ZYG11A: variants seen among roughly 807,000 people sequenced by gnomAD.
ZYG11A encodes protein zyg-11 homolog A.
ZYG11A carries 62 observed loss-of-function variants against 77.2 expected under a neutral mutation model. That is an observed-to-expected ratio of 0.80 (90% CI 0.65 to 0.99). The LOEUF (loss-of-function observed/expected upper bound fraction) is 0.99, where lower values mean the gene tolerates loss of function less well. ZYG11A is among the 50% of genes least tolerant of loss of function. The probability of loss-of-function intolerance (pLI) is 0.00; values close to 1 mark genes in which losing one functional copy is unlikely to be tolerated. For synonymous variants in ZYG11A, 315 were observed against 324.6 expected, an observed-to-expected ratio of 0.97 and a Z score of 0.32; for missense variants, 828 against 896.8, an observed-to-expected ratio of 0.92 and a Z score of 0.98.
intron 4 of ZYG11A, among the ~76,000 whole-genome samples, chr1:52,862,722 C>G (rs575138): frequency 0.58 from 88,755 of 152,062 alleles, 27,000 homozygotes; most frequent in African/African-American, 0.67. Flanking sequence ...TAAAAATTCT[C>G]GACCTTTTTT....
In ZYG11A at chr1:52,867,780, A is replaced by G. The variant is rs1646054106; in HGVS notation, c.1542+3A>G. 4 of 1,551,170 alleles carry G rather than the reference A, an allele frequency of 2.6e-6. No individual in the cohort carries two copies. The highest frequency in any genetic ancestry group is 2.0e-5 in the Admixed American group (1 of 50,954). ...AAGAGCTTTTCATGGCAGTTAAGGT[A>G]GGTTCCTTGTCATGTTCATAACCTT... On this transcript the variant is annotated splice_donor_region_variant and intron_variant, in intron 8 of 13. Coordinates refer to ENST00000371528, the MANE Select transcript of ZYG11A (RefSeq NM_001004339.3).
chr1:52,869,448 T>TAAC (rs1456234959), intron 8 of ZYG11A, among the ~76,000 whole-genome samples: 2 of 150,954 alleles, frequency 1.3e-5, no homozygotes, highest in Non-Finnish European at 2.9e-5. Context: ...TGATGACTCT[T>TAAC]AACGAGCCTG....
rs1042236126 is a variant in ZYG11A, at chr1:52,860,781, C to T, written c.1059C>T (p.Tyr353=). ...MSQISEALSR[Y]RNRSCFVKEA... ...AGATTTCAGAAGCACTGAGCCGATACAGGAACAGATCATGTTTTGTGAAGG... is the reference window on the plus strand; with the variant it reads ...AGATTTCAGAAGCACTGAGCCGATATAGGAACAGATCATGTTTTGTGAAGG... Residue 353 remains tyrosine, a synonymous_variant, in exon 4 of 14, where the codon TAC becomes TAT. Coordinates refer to ENST00000371528, the MANE Select transcript of ZYG11A (RefSeq NM_001004339.3). 1.1e-5 allele frequency: 17 copies of T among 1,551,656 alleles called. No individual in the cohort carries two copies. Among genetic ancestry groups the T allele is most frequent in the Non-Finnish European group, 1.4e-5 (16 of 1,146,968 alleles).
chr1:52,843,554 T>C (rs1198560157), intron 1 of ZYG11A, among the ~76,000 whole-genome samples: 1 of 151,884 alleles, frequency 6.6e-6, no homozygotes, highest in East Asian at 1.9e-4. Context: ...GTTCCGCGCG[T>C]CCGCCCCCGT....
At chr1:52,872,330 C>G (rs1380863801) in intron 8 of ZYG11A, among the ~76,000 whole-genome samples, 6 of 152,056 alleles carry the variant, frequency 3.9e-5, no homozygotes, top group Non-Finnish European at 8.8e-5. Context: ...TCTCGAACTC[C>G]TGACCTCAGG....
At chr1:52,842,997 G>A in intron 1 of ZYG11A, 24 bp downstream of exon 1, 2 of 1,495,642 alleles carry the variant, frequency 1.3e-6, no homozygotes, top group African/African-American at 1.5e-5. Flanking sequence ...TGCGGGCGGC[G>A]ACGCGGACCT....
At chr1:52,867,872 T>C in intron 8 of ZYG11A, 95 bp downstream of exon 8, 1 of 1,038,472 alleles carries the variant, frequency 9.6e-7, no homozygotes, top group Non-Finnish European at 1.4e-6. Flanking sequence ...AAAAGGCCTA[T>C]TAAGGTGAGA....
Position 52,881,572 on chromosome 1 carries a change from C to G in ZYG11A, c.1851C>G (p.Ser617Arg), listed in dbSNP as rs1033424513. 1.2e-5 allele frequency: 18 copies of G among 1,552,054 alleles called. No homozygotes were observed. Among genetic ancestry groups the G allele is most frequent in the Non-Finnish European group, 1.5e-5 (17 of 1,147,086 alleles). The change falls in exon 11 of 14, where the codon AGC (serine) becomes AGG (arginine). Residue 617 changes from serine to arginine, a missense_variant. Transcript: ENST00000371528. ...TCTGTAGCAGGGAAATGGAAGTCAGCTATTTTGCTGCAGGTATCATAGCCC... is the reference window on the plus strand; with the variant it reads ...TCTGTAGCAGGGAAATGGAAGTCAGGTATTTTGCTGCAGGTATCATAGCCC... Reference protein sequence around the residue: ...SLLCSREMEVSYFAAGIIAHL... With the variant: ...SLLCSREMEVRYFAAGIIAHL...
rs1215690470 is a variant in ZYG11A, at chr1:52,857,463, T to C, written c.722T>C (p.Leu241Pro). The C allele has an allele frequency of 6.4e-7, 1 of 1,552,278 alleles. No homozygotes were observed. Among genetic ancestry groups the C allele is most frequent in the Non-Finnish European group, 8.7e-7 (1 of 1,147,118 alleles). ...CTCACAATGCACTATCTGAAATGCC[T>C]GGCCATGACCAAATCACAAATTCTT... Reference protein sequence around the residue: ...KSLTMHYLKCLAMTKSQILAV... With the variant: ...KSLTMHYLKCPAMTKSQILAV... The change falls in exon 3 of 14, where the codon CTG becomes CCG. Residue 241 changes from leucine to proline, a missense_variant. Coordinates refer to ENST00000371528, the MANE Select transcript of ZYG11A (RefSeq NM_001004339.3).
chr1:52,869,785 T>C (rs1646106571), intron 8 of ZYG11A, among the ~76,000 whole-genome samples: 1 of 151,264 alleles, frequency 6.6e-6, no homozygotes, highest in Non-Finnish European at 1.5e-5. Flanking sequence ...GGGTGGTGGC[T>C]GGGCAGAGGG....
At chr1:52,862,694 C>A (rs1321869302) in intron 4 of ZYG11A, among the ~76,000 whole-genome samples, 2 of 151,970 alleles carry the variant, frequency 1.3e-5, no homozygotes, top group South Asian at 4.1e-4. Flanking sequence ...GATCCCAACT[C>A]AAAAAAATAA....
chr1:52,854,759 C>A, intron 2 of ZYG11A, 129 bp downstream of exon 2: 1 of 984,032 alleles, frequency 1.0e-6, no homozygotes, highest in East Asian at 2.9e-5. Flanking sequence ...TTGAGACTCA[C>A]TCTTTCTGGG....
In ZYG11A at chr1:52,854,551, T is replaced by C; in HGVS notation, c.177T>C (p.Asp59=). 6.4e-7 allele frequency: 1 copy of C among 1,551,718 alleles called. No individual in the cohort carries two copies. Among genetic ancestry groups the C allele is most frequent in the South Asian group, 1.2e-5 (1 of 83,866 alleles). Residue 59 remains aspartate (D), a synonymous_variant, in exon 2 of 14, where the codon GAT becomes GAC. Transcript: ENST00000371528. ...NLEKLCSERP[D]GTLCLPEHWS... Reference sequence around the variant, plus strand: ...AGAAATTGTGTTCTGAAAGACCTGATGGAACACTGTGCCTTCCGGAGCATT... The same window carrying C: ...AGAAATTGTGTTCTGAAAGACCTGACGGAACACTGTGCCTTCCGGAGCATT...
At chr1:52,861,737 T>G (rs947884395) in intron 4 of ZYG11A, among the ~76,000 whole-genome samples, 1 of 152,078 alleles carries the variant, frequency 6.6e-6, no homozygotes, top group African/African-American at 2.4e-5. Context: ...TAACTTTATT[T>G]ACAGCTCAAA....
rs779484587 is a variant in ZYG11A at position 52,881,629 on chromosome 1, C to T, written c.1908C>T (p.Ser636=). The part of the protein sequence containing the change: ...HLTSDRQLWI[S]RDFQRRTLLQ... ...CATCTGACAGACAGCTTTGGATATCCCGTGACTTCCAGAGGCGTACTCTTC... is the reference window on the plus strand; with the variant it reads ...CATCTGACAGACAGCTTTGGATATCTCGTGACTTCCAGAGGCGTACTCTTC... Residue 636 remains serine (S), a synonymous_variant, in exon 11 of 14, where the codon TCC becomes TCT. Coordinates refer to ENST00000371528, the MANE Select transcript of ZYG11A (RefSeq NM_001004339.3). The T allele has an allele frequency of 1.4e-5, 21 of 1,552,116 alleles. No individual in the cohort carries two copies. The highest frequency in any genetic ancestry group is 1.8e-5 in the Non-Finnish European group (21 of 1,147,102).
intron 4 of ZYG11A, among the ~76,000 whole-genome samples, chr1:52,861,811 G>A (rs1288899387): frequency 2.0e-5 from 3 of 152,008 alleles, no homozygotes; most frequent in Non-Finnish European, 2.9e-5. Context: ...CACCACTTTG[G>A]TTGGGAGGCC....
At chr1:52,847,805 G>A (rs1222646331) in intron 1 of ZYG11A, among the ~76,000 whole-genome samples, 1 of 149,930 alleles carries the variant, frequency 6.7e-6, no homozygotes, top group Non-Finnish European at 1.5e-5. Context: ...GAGTAGCTGG[G>A]ACTACAGGTG....
chr1:52,864,019 G>A lies in ZYG11A; in HGVS notation c.1188G>A (p.Leu396=). The A allele has an allele frequency of 6.4e-7, 1 of 1,551,568 alleles. No individual in the cohort carries two copies. The highest frequency in any genetic ancestry group is 8.7e-7 in the Non-Finnish European group (1 of 1,146,978). ...GAATGAGGAATCACCCATTGGATTT[G>A]CGAGTGCAGTTCACAGCCAGTGCTT... ...AIGMRNHPLD[L]RVQFTASACA... is the part of the protein sequence containing the mutation. The change falls in exon 5 of 14, where the codon TTG becomes TTA. Residue 396 remains leucine (L), a synonymous_variant. Transcript: ENST00000371528.
chr1:52,881,527 G>C lies in ZYG11A; in HGVS notation c.1806G>C (p.Leu602=). The change falls in exon 11 of 14, where the codon CTG becomes CTC. Residue 602 remains leucine (L), a synonymous_variant. Coordinates refer to ENST00000371528, the MANE Select transcript of ZYG11A (RefSeq NM_001004339.3). ...LSSKLVTEDV[L]KHINSLLCSR... is the part of the protein sequence containing the mutation. The stretch of plus-strand genomic sequence containing the variant: ...CCAAGCTGGTGACCGAAGATGTGCT[G>C]AAGCATATCAACAGTTTACTCTGTA... 1 of 1,551,844 alleles carries C rather than the reference G, an allele frequency of 6.4e-7. No individual in the cohort carries two copies. Among genetic ancestry groups the C allele is most frequent in the Non-Finnish European group, 8.7e-7 (1 of 1,146,982 alleles).
Sources: gnomAD v4.1 joint callset for allele counts (sites outside exome capture counted in the v4.1 genomes callset) on GRCh38, gnomAD v4.1.1 for gene constraint, MANE v1.5 for transcripts, NCBI Gene and HGNC (gene_info 2026-07-23, HGNC 2026-07-21) for gene names.